Variants in CNTNAP2 observed in about 807,000 individuals in gnomAD.
The protein encoded by CNTNAP2 is contactin-associated protein-like 2.
In CNTNAP2, 98 loss-of-function variants were observed where a neutral mutation model predicts 155.2. That is an observed-to-expected ratio of 0.63 (90% confidence interval 0.54 to 0.75). CNTNAP2 has a LOEUF of 0.75. CNTNAP2 is among the 30% of genes least tolerant of loss of function. The pLI, the probability that CNTNAP2 is intolerant of heterozygous loss-of-function variation, is 0.00. For missense variants in CNTNAP2, 1,727 were observed against 1,688.1 expected (o/e 1.02, Z -0.40); for synonymous variants, 651 against 631.2 (o/e 1.03, Z -0.47).
At chr7:147,428,924 T>C in intron 10 of CNTNAP2, among the ~76,000 whole-genome samples, 1 of 151,768 alleles carries the variant, frequency 6.6e-6, no homozygotes, top group Admixed American at 6.6e-5. Flanking sequence ...TTCTCTCTCA[T>C]CCCCCTCCCA....
At chr7:148,049,787 A>G (rs906165256) in intron 15 of CNTNAP2, among the ~76,000 whole-genome samples, 3 of 152,230 alleles carry the variant, frequency 2.0e-5, no homozygotes, top group Non-Finnish European at 2.9e-5. Context: ...ATATTTGACT[A>G]TGTTACTGGT....
chr7:146,949,861 G>T (rs1563017132), intron 3 of CNTNAP2, among the ~76,000 whole-genome samples: 1 of 152,116 alleles, frequency 6.6e-6, no homozygotes, highest in African/African-American at 2.4e-5. Context: ...TGAGCACAAA[G>T]CTCTGTGGGT....
chr7:146,402,072 C>T (rs1388137467), intron 1 of CNTNAP2, among the ~76,000 whole-genome samples: 1 of 152,140 alleles, frequency 6.6e-6, no homozygotes, highest in African/African-American at 2.4e-5. Context: ...GAATTTTCCT[C>T]AGAAGTTGAA....
chr7:147,320,582 T>G (rs1334468017), intron 9 of CNTNAP2, among the ~76,000 whole-genome samples: 1 of 152,224 alleles, frequency 6.6e-6, no homozygotes, highest in African/African-American at 2.4e-5. Context: ...TACAGAACTC[T>G]ACGTCAGGTC....
chr7:147,681,679 A>G (rs932659557), intron 13 of CNTNAP2, among the ~76,000 whole-genome samples: 7 of 151,984 alleles, frequency 4.6e-5, no homozygotes, highest in African/African-American at 1.7e-4. Flanking sequence ...CTCAACAGAA[A>G]GTTACTCATA....
At chr7:147,488,327 C>T (rs1327758844) in intron 11 of CNTNAP2, among the ~76,000 whole-genome samples, 2 of 152,202 alleles carry the variant, frequency 1.3e-5, no homozygotes, top group South Asian at 2.1e-4. Context: ...AACCATCAGG[C>T]CGTGTGCCTT....
At chr7:146,339,442 C>T (rs2129096231) in intron 1 of CNTNAP2, among the ~76,000 whole-genome samples, 1 of 152,214 alleles carries the variant, frequency 6.6e-6, no homozygotes, top group South Asian at 2.1e-4. Context: ...TCCATAGTGA[C>T]ATGTCCTAAG....
chr7:148,383,188 CTTTTTTTTT>C lies in CNTNAP2; in HGVS notation c.3476-450_3476-442del, dbSNP rs34329815. ...CGTACAGGCTACTAGAATTCTTGTT[CTTTTTTTTT>C]TTTTTTTTTTAAAGAATTCTGAAGA... On this transcript the variant is annotated intron_variant, in intron 21 of 23. Coordinates refer to ENST00000361727, the MANE Select transcript of CNTNAP2 (RefSeq NM_014141.6). Among the ~76,000 whole-genome samples, 930 of 138,984 alleles carry C rather than the reference CTTTTTTTTT, an allele frequency of 6.7e-3. 8 individuals carry two copies. Among genetic ancestry groups the C allele is most frequent in the African/African-American group, 0.023 (886 of 38,084 alleles). The allele number at this position is 138,984 out of a possible 152,430, so 91.2% of individuals were successfully genotyped here. A position where few individuals can be genotyped will look rare whatever the true frequency, so the allele number is the denominator to read the frequency against.
intron 11 of CNTNAP2, among the ~76,000 whole-genome samples, chr7:147,518,368 G>A (rs1799168002): frequency 6.6e-6 from 1 of 152,138 alleles, no homozygotes; most frequent in Non-Finnish European, 1.5e-5. Flanking sequence ...AGAGAAGGTG[G>A]TAGACCACTA....
intron 1 of CNTNAP2, among the ~76,000 whole-genome samples, chr7:146,605,391 A>G (rs1014511222): frequency 6.6e-6 from 1 of 151,282 alleles, no homozygotes; most frequent in African/African-American, 2.4e-5. Context: ...CATAACTCTT[A>G]CTCTGGAAGC....
At chr7:147,683,303 T>C (rs1436988262) in intron 13 of CNTNAP2, among the ~76,000 whole-genome samples, 1 of 151,844 alleles carries the variant, frequency 6.6e-6, no homozygotes, top group Non-Finnish European at 1.5e-5. Flanking sequence ...TAATCAATAG[T>C]GAGAAAATGG....
intron 2 of CNTNAP2, among the ~76,000 whole-genome samples, chr7:146,792,338 A>C (rs1802689761): frequency 6.6e-6 from 1 of 152,236 alleles, no homozygotes; most frequent in Non-Finnish European, 1.5e-5. Flanking sequence ...GAATAAAACA[A>C]AGCTGATCTA....
intron 13 of CNTNAP2, among the ~76,000 whole-genome samples, chr7:147,754,351 G>A (rs1163952000): frequency 6.6e-6 from 1 of 152,198 alleles, no homozygotes; most frequent in Non-Finnish European, 1.5e-5. Context: ...TGTCCTTTTA[G>A]TAGAAATTGT....
At chr7:146,937,844 C>T (rs1796955608) in intron 3 of CNTNAP2, among the ~76,000 whole-genome samples, 1 of 152,130 alleles carries the variant, frequency 6.6e-6, no homozygotes, top group African/African-American at 2.4e-5. Context: ...GTTACAAAGA[C>T]TAAAAGTCAG....
Position 146,871,695 on chromosome 7 carries a change from TA to T in CNTNAP2, c.402+31795del, listed in dbSNP as rs1366490316. Among the ~76,000 whole-genome samples, 4 of 152,166 alleles carry T rather than the reference TA, an allele frequency of 2.6e-5. No homozygotes were observed. In the East Asian group the frequency reaches 7.7e-4, roughly 29 times the overall value. The stretch of plus-strand genomic sequence containing the variant: ...ATCCATCTTCTTATAATATTTGCAA[TA>T]AAATATATTTTCAATGAGATAGTGA... On this transcript the variant is annotated intron_variant, in intron 3 of 23. Coordinates refer to ENST00000361727, the MANE Select transcript of CNTNAP2 (RefSeq NM_014141.6).
intron 15 of CNTNAP2, among the ~76,000 whole-genome samples, chr7:147,979,055 C>G (rs1677722103): frequency 6.6e-6 from 1 of 152,156 alleles, no homozygotes; most frequent in Non-Finnish European, 1.5e-5. Context: ...ATAGCGTCCA[C>G]TCAAAGAGAT....
At chr7:147,391,453 C>T (rs1366619428) in intron 9 of CNTNAP2, among the ~76,000 whole-genome samples, 2 of 151,962 alleles carry the variant, frequency 1.3e-5, no homozygotes, top group Admixed American at 6.6e-5. Context: ...CTATTTTGTC[C>T]CAACTCTGTC....
At chr7:148,131,693 A>G (rs1041518309) in intron 16 of CNTNAP2, among the ~76,000 whole-genome samples, 5 of 152,204 alleles carry the variant, frequency 3.3e-5, no homozygotes, top group Non-Finnish European at 7.3e-5. Flanking sequence ...TCCATCTGCC[A>G]TTCTAGGAGC....
At chr7:148,357,618 T>C (rs1798541822) in intron 21 of CNTNAP2, among the ~76,000 whole-genome samples, 2 of 152,218 alleles carry the variant, frequency 1.3e-5, no homozygotes, top group Admixed American at 6.5e-5. Flanking sequence ...CTGTGCATCA[T>C]AGCCTTCTGT....
Sources: allele counts gnomAD v4.1 joint callset (sites outside exome capture counted in the v4.1 genomes callset), GRCh38; gene constraint gnomAD v4.1.1; transcripts MANE v1.5; gene names NCBI Gene and HGNC (gene_info 2026-07-23, HGNC 2026-07-21).